ZFYVE26: variants seen among roughly 807,000 people sequenced by gnomAD.
ZFYVE26 encodes the protein zinc finger FYVE-type containing 26, also known as zinc finger FYVE domain-containing protein 26.
In ZFYVE26, 181 loss-of-function variants were observed where a neutral mutation model predicts 276.5. The observed-to-expected ratio is 0.65, with a 90% CI of 0.58 to 0.74. The LOEUF (loss-of-function observed/expected upper bound fraction) is 0.74, where lower values mean the gene tolerates loss of function less well. ZFYVE26 is among the 30% of genes least tolerant of loss of function. The probability of loss-of-function intolerance (pLI) is 0.00; values close to 1 mark genes in which losing one functional copy is unlikely to be tolerated. For synonymous variants in ZFYVE26, 1,129 were observed against 1,203.1 expected (o/e 0.94, Z 1.27); for missense variants, 2,821 against 3,097.9 (o/e 0.91, Z 2.12).
Position 67,781,323 on chromosome 14 carries a change from G to A in ZFYVE26, c.4569+10C>T. ...GCCCGTTCCCTTTCTCTTGATGCGA[G>A]GGCCCATACCTTCTGATACACCTGC... On this transcript the variant is annotated intron_variant, in intron 22 of 41. Transcript: ENST00000347230. 1 of 1,613,946 alleles carries A rather than the reference G, an allele frequency of 6.2e-7. No homozygotes were observed. The highest frequency in any genetic ancestry group is 1.1e-5 in the South Asian group (1 of 91,078).
At chr14:67,803,037 C>T (rs2040109341) in intron 9 of ZFYVE26, among the ~76,000 whole-genome samples, 1 of 152,132 alleles carries the variant, frequency 6.6e-6, no homozygotes, top group Non-Finnish European at 1.5e-5. Flanking sequence ...AAAATAGATA[C>T]AATTACTATT....
chr14:67,772,033 C>T lies in ZFYVE26; in HGVS notation c.5484+14G>A, dbSNP rs763009823. 6.2e-7 allele frequency: 1 copy of T among 1,609,600 alleles called. No homozygotes were observed. Among genetic ancestry groups the T allele is most frequent in the Non-Finnish European group, 8.5e-7 (1 of 1,178,768 alleles). ...CTTCTCCTGAGGGTGACAGTGGAGA[C>T]CGATGCTGCTTACCATGGTGAAGTG... On this transcript the variant is annotated intron_variant, in intron 28 of 41. Coordinates refer to ENST00000347230, the MANE Select transcript of ZFYVE26 (RefSeq NM_015346.4).
chr14:67,759,759 A>T (rs1471560528), intron 35 of ZFYVE26, among the ~76,000 whole-genome samples: 1 of 152,118 alleles, frequency 6.6e-6, no homozygotes, highest in Non-Finnish European at 1.5e-5. Flanking sequence ...TTAGTTCTGT[A>T]GCATGCTAAG....
intron 7 of ZFYVE26, 47 bp downstream of exon 7, chr14:67,805,407 C>T (rs1739663132): frequency 6.2e-7 from 1 of 1,613,814 alleles, no homozygotes; most frequent in South Asian, 1.1e-5. Context: ...CCCGAAGCCC[C>T]ACGTCTCTCA....
intron 13 of ZFYVE26, among the ~76,000 whole-genome samples, chr14:67,735,887 A>G (rs1282147587): frequency 6.6e-6 from 1 of 152,204 alleles, no homozygotes; most frequent in Non-Finnish European, 1.5e-5. Flanking sequence ...GTTTCAGAGC[A>G]CCGATTTCCT....
rs879235622 is a variant in ZFYVE26, at chr14:67,794,064, T to C, written c.2401+107A>G. 1.9e-5 allele frequency: 25 copies of C among 1,300,030 alleles called. No individual in the cohort carries two copies. In the South Asian group the frequency reaches 3.0e-4, roughly 15 times the overall value. The allele number at this position is 1,300,030 out of a possible 1,614,324, so 80.5% of individuals were successfully genotyped here. Reference sequence around the variant, plus strand: ...CTAAAATCTGGCCATCTGCCAACCTTGAATAACAACCTTGACTGCTCAATC... The same window carrying C: ...CTAAAATCTGGCCATCTGCCAACCTCGAATAACAACCTTGACTGCTCAATC... On this transcript the variant is annotated intron_variant, in intron 13 of 41. Transcript: ENST00000347230.
In ZFYVE26 at chr14:67,815,845, T is replaced by C. The variant is rs553212053; in HGVS notation, c.119A>G (p.Gln40Arg). 6.2e-7 allele frequency: 1 copy of C among 1,614,162 alleles called. No homozygotes were observed. Among genetic ancestry groups the C allele is most frequent in the South Asian group, 1.1e-5 (1 of 91,080 alleles). The change falls in exon 2 of 42, where the codon CAG becomes CGG. Residue 40 changes from glutamine (Q) to arginine (R), a missense_variant. Transcript: ENST00000347230. The part of the protein sequence containing the change: ...ELAQACVPQL[Q>R]EGQGDIPKRV... ...CTTTGGGATATCCCCTTGTCCCTCC[T>C]GTAGCTGAGGTACACATGCCTGTGC...
intron 37 of ZFYVE26, 30 bp from the exon 38 acceptor site, chr14:67,754,242 C>T: frequency 1.2e-6 from 2 of 1,613,912 alleles, no homozygotes; most frequent in Non-Finnish European, 1.7e-6. Flanking sequence ...ACAGTCCAGC[C>T]TCATGAGGGG....
intron 40 of ZFYVE26, among the ~76,000 whole-genome samples, chr14:67,752,114 A>G (rs1293544337): frequency 6.6e-6 from 1 of 152,150 alleles, no homozygotes; most frequent in Non-Finnish European, 1.5e-5. Flanking sequence ...GTGCAAACAA[A>G]TTTACACAAT....
chr14:67,775,236 G>C (rs1277094201), intron 26 of ZFYVE26, 122 bp from the exon 27 acceptor site: 2 of 660,948 alleles, frequency 3.0e-6, no homozygotes, highest in East Asian at 5.5e-5. Context: ...ACTCTACTAG[G>C]TATTAAGAGA....
intron 3 of ZFYVE26, among the ~76,000 whole-genome samples, chr14:67,810,437 A>AT (rs2040276949): frequency 6.6e-6 from 1 of 152,228 alleles, no homozygotes; most frequent in Admixed American, 6.5e-5. Context: ...TGTGTGCCAT[A>AT]TTTTATTCTT....
At chr14:67,751,123 A>G (rs2038628448) in intron 40 of ZFYVE26, 27 bp from the exon 41 acceptor site, 1 of 1,614,050 alleles carries the variant, frequency 6.2e-7, no homozygotes, top group East Asian at 2.2e-5. Flanking sequence ...CAGCACTGTG[A>G]GAGGGAGAAG....
intron 16 of ZFYVE26, among the ~76,000 whole-genome samples, chr14:67,787,576 C>A (rs974105224): frequency 1.3e-5 from 2 of 152,048 alleles, no homozygotes; most frequent in Non-Finnish European, 2.9e-5. Flanking sequence ...ATCTCATATA[C>A]TCCATAAATA....
chr14:67,782,869 C>A lies in ZFYVE26; in HGVS notation c.4283G>T (p.Arg1428Leu), dbSNP rs371511765. 3 of 1,614,200 alleles carry A rather than the reference C, an allele frequency of 1.9e-6. No homozygotes were observed. The highest frequency in any genetic ancestry group is 1.7e-6 in the Non-Finnish European group (2 of 1,180,038). ...EESLVARDWSRALQLTEVYGR... is the reference protein window; with the variant it reads ...EESLVARDWSLALQLTEVYGR... ...GTACACTTCAGTGAGCTGAAGGGCC[C>A]GGGACCAATCTCTGGCCACCAAGGA... The change falls in exon 21 of 42, where the codon CGG becomes CTG. Residue 1428 changes from arginine (R) to leucine (L), a missense_variant. Physicochemically the swap from Arg to Leu is moderately radical, Grantham distance 102. Coordinates refer to ENST00000347230, the MANE Select transcript of ZFYVE26 (RefSeq NM_015346.4).
At chr14:67,731,457 C>T (rs569055434) in intron 13 of ZFYVE26, among the ~76,000 whole-genome samples, 95 of 151,942 alleles carry the variant, frequency 6.3e-4, no homozygotes, top group African/African-American at 2.2e-3. Flanking sequence ...TCAAGTGATC[C>T]GCCCACCTCA....
chr14:67,754,786 G>T (rs1018598788), intron 37 of ZFYVE26, among the ~76,000 whole-genome samples: 1 of 152,148 alleles, frequency 6.6e-6, no homozygotes, highest in Admixed American at 6.5e-5. Context: ...GGGCCAGAAC[G>T]TGCAGGAGCC....
chr14:67,734,161 G>A, intron 13 of ZFYVE26: 1 of 328,746 alleles, frequency 3.0e-6, no homozygotes, highest in East Asian at 7.3e-5. Flanking sequence ...GAGAAATTGG[G>A]TCAGTTCCCT....
chr14:67,757,725 CTTTTTT>C (rs1157711819), intron 35 of ZFYVE26, among the ~76,000 whole-genome samples: 1 of 140,310 alleles, frequency 7.1e-6, no homozygotes, highest in Non-Finnish European at 1.6e-5. Context: ...CTTTCTTTTT[CTTTTTT>C]TAAGACAGAA....
In ZFYVE26 at chr14:67,752,845, G is replaced by T. The variant is rs2038684958; in HGVS notation, c.7189-319C>A. On this transcript the variant is annotated intron_variant, in intron 39 of 41. Coordinates refer to ENST00000347230, the MANE Select transcript of ZFYVE26 (RefSeq NM_015346.4). Reference sequence around the variant, plus strand: ...ACTTTCTTGAGAAATGGGCATTGGGGGATGGTATTTGCTGCCCTGGACACC... The same window carrying T: ...ACTTTCTTGAGAAATGGGCATTGGGTGATGGTATTTGCTGCCCTGGACACC... Among the ~76,000 whole-genome samples the T allele has an allele frequency of 1.3e-5, 2 of 152,110 alleles. 1 individual carries two copies. The highest frequency in any genetic ancestry group is 4.1e-4 in the South Asian group (2 of 4,832).
Sources: gnomAD v4.1 joint callset for allele counts (sites outside exome capture counted in the v4.1 genomes callset) on GRCh38, gnomAD v4.1.1 for gene constraint, MANE v1.5 for transcripts, NCBI Gene and HGNC (gene_info 2026-07-23, HGNC 2026-07-21) for gene names.